The following OSBP2 variants were observed in gnomAD, a reference collection of about 807,000 sequenced individuals.
OSBP2 encodes the protein oxysterol-binding protein 2.
OSBP2 carries 66 observed loss-of-function variants against 96.0 expected under a neutral mutation model. The observed-to-expected ratio is 0.69, with a 90% CI of 0.56 to 0.84. The LOEUF (loss-of-function observed/expected upper bound fraction) is 0.84, where lower values mean the gene tolerates loss of function less well. Ranked by LOEUF, OSBP2 falls within the 40% of genes least tolerant of loss-of-function variation. The probability of loss-of-function intolerance (pLI) is 0.00; values close to 1 mark genes in which losing one functional copy is unlikely to be tolerated. For synonymous variants in OSBP2, 525 were observed against 520.9 expected (o/e 1.01, Z -0.11); for missense variants, 1,038 against 1,222.7 (o/e 0.85, Z 2.25).
At chr22:30,734,521 A>G (rs1488318149) in intron 1 of OSBP2, among the ~76,000 whole-genome samples, 1 of 152,186 alleles carries the variant, frequency 6.6e-6, no homozygotes, top group Non-Finnish European at 1.5e-5. Flanking sequence ...TAACCTTCAT[A>G]GAGAGGGTTA....
intron 2 of OSBP2, among the ~76,000 whole-genome samples, chr22:30,790,380 T>C (rs1054111869): frequency 1.3e-5 from 2 of 152,102 alleles, no homozygotes; most frequent in Non-Finnish European, 2.9e-5. Flanking sequence ...TTTTGGCCAC[T>C]CTTCTAGTTT....
At chr22:30,698,473 T>C (rs2089092766) in intron 1 of OSBP2, among the ~76,000 whole-genome samples, 2 of 151,132 alleles carry the variant, frequency 1.3e-5, no homozygotes, top group East Asian at 3.9e-4. Flanking sequence ...AGAGTCTTGC[T>C]CTGTCGCCAG....
intron 2 of OSBP2, among the ~76,000 whole-genome samples, chr22:30,846,319 G>A (rs901284776): frequency 1.3e-5 from 2 of 151,920 alleles, no homozygotes; most frequent in African/African-American, 4.8e-5. Context: ...GCCAATTTTT[G>A]TATTTTTAGT....
chr22:30,878,934 T>A (rs1193467353), intron 3 of OSBP2, among the ~76,000 whole-genome samples: 1 of 151,616 alleles, frequency 6.6e-6, no homozygotes, highest in Non-Finnish European at 1.5e-5. Flanking sequence ...TAGGAGACAT[T>A]GGGGGCACCA....
At chr22:30,862,897 T>C (rs112876453) in intron 2 of OSBP2, among the ~76,000 whole-genome samples, 18,770 of 150,812 alleles carry the variant, frequency 0.12, 1,414 homozygotes, top group African/African-American at 0.21. Context: ...TGCTTGAACC[T>C]GGTAGGCGGA....
chr22:30,864,010 G>A (rs1047786866), intron 2 of OSBP2, among the ~76,000 whole-genome samples: 4 of 149,092 alleles, frequency 2.7e-5, no homozygotes, highest in Non-Finnish European at 5.9e-5. Flanking sequence ...TGACTCTGTC[G>A]CCCAGGCTGG....
At chr22:30,734,917 T>C (rs2089827617) in intron 1 of OSBP2, among the ~76,000 whole-genome samples, 2 of 152,112 alleles carry the variant, frequency 1.3e-5, no homozygotes, top group Admixed American at 1.3e-4. Context: ...CTGGGTGTGG[T>C]TGGTGGCTCA....
intron 2 of OSBP2, among the ~76,000 whole-genome samples, chr22:30,832,769 G>C (rs1219193731): frequency 6.6e-6 from 1 of 152,164 alleles, no homozygotes; most frequent in Non-Finnish European, 1.5e-5. Context: ...ATTCTCAATG[G>C]ACTAGATGGA....
intron 1 of OSBP2, among the ~76,000 whole-genome samples, chr22:30,731,803 A>G (rs1209149531): frequency 6.6e-6 from 1 of 152,184 alleles, no homozygotes; most frequent in Non-Finnish European, 1.5e-5. Context: ...GAATAAAGCA[A>G]GAAGGTTGTG....
At chr22:30,830,938 C>T (rs1377946933) in intron 2 of OSBP2, among the ~76,000 whole-genome samples, 3 of 151,966 alleles carry the variant, frequency 2.0e-5, no homozygotes, top group Admixed American at 6.6e-5. Flanking sequence ...CACTTTCCCA[C>T]GTTATCGCAG....
chr22:30,782,584 T>C (rs2090532383), intron 2 of OSBP2, among the ~76,000 whole-genome samples: 1 of 152,228 alleles, frequency 6.6e-6, no homozygotes, highest in African/African-American at 2.4e-5. Context: ...ATCTGTGTTG[T>C]TGCCTGCGTC....
At chr22:30,744,465 C>T (rs2145744697) in intron 2 of OSBP2, among the ~76,000 whole-genome samples, 1 of 152,264 alleles carries the variant, frequency 6.6e-6, no homozygotes, top group Middle Eastern at 3.4e-3. Flanking sequence ...CCTACTTCTG[C>T]TTATCTCTTG....
intron 12 of OSBP2, among the ~76,000 whole-genome samples, chr22:30,894,816 C>G (rs1480628933): frequency 6.6e-6 from 1 of 152,160 alleles, no homozygotes; most frequent in Admixed American, 6.5e-5. Context: ...TGAAGACAGT[C>G]AAATGATATC....
chr22:30,796,220 T>C (rs1349712485), intron 2 of OSBP2, among the ~76,000 whole-genome samples: 1 of 152,162 alleles, frequency 6.6e-6, no homozygotes, highest in African/African-American at 2.4e-5. Context: ...TATAGCTTCT[T>C]GGTGACTGCT....
intron 2 of OSBP2, among the ~76,000 whole-genome samples, chr22:30,799,011 C>T (rs2090807545): frequency 7.6e-6 from 1 of 131,182 alleles, no homozygotes. Flanking sequence ...GAGACTCTGT[C>T]TCAAAAAAAA....
At chr22:30,900,138 C>T (rs2147184937) in intron 12 of OSBP2, among the ~76,000 whole-genome samples, 1 of 152,118 alleles carries the variant, frequency 6.6e-6, no homozygotes, top group South Asian at 2.1e-4. Flanking sequence ...CCTGTAATCC[C>T]AGCTACTTTG....
chr22:30,717,090 T>TTTTTGTGTG (rs71328866), intron 1 of OSBP2, among the ~76,000 whole-genome samples: 32 of 118,408 alleles, frequency 2.7e-4, no homozygotes, highest in African/African-American at 9.5e-4. Context: ...TTTACTGTTT[T>TTTTTGTGTG]TGTGTGTGTG....
chr22:30,794,262 ATT>A (rs136291), intron 2 of OSBP2, among the ~76,000 whole-genome samples: 158 of 134,888 alleles, frequency 1.2e-3, no homozygotes, highest in Middle Eastern at 7.6e-3. Flanking sequence ...TCCTCTATTC[ATT>A]TTTTTTTTTT....
At chr22:30,859,550 G>A (rs772086247) in intron 2 of OSBP2, among the ~76,000 whole-genome samples, 1 of 152,224 alleles carries the variant, frequency 6.6e-6, no homozygotes, top group Non-Finnish European at 1.5e-5. Context: ...GTGGTTTCAG[G>A]GGAGCTGTGC....
Sources: allele counts gnomAD v4.1 joint callset (sites outside exome capture counted in the v4.1 genomes callset), GRCh38; gene constraint gnomAD v4.1.1; transcripts MANE v1.5; gene names NCBI Gene and HGNC (gene_info 2026-07-23, HGNC 2026-07-21).